Variants in EPHA6 observed in about 807,000 individuals in gnomAD.
EPHA6 encodes EPH receptor A6.
A neutral mutation model predicts 112.0 loss-of-function variants in EPHA6; 50 were observed. That is an observed-to-expected ratio of 0.45 (90% CI 0.36 to 0.56). EPHA6 has a LOEUF of 0.56. Among genes scored for constraint, EPHA6 ranks in the 20% least tolerant of loss-of-function variants. The pLI is 0.00. For synonymous variants in EPHA6, 529 were observed against 490.7 expected, an observed-to-expected ratio of 1.08 and a Z score of -1.03; for missense variants, 1,280 against 1,417.4, an observed-to-expected ratio of 0.90 and a Z score of 1.56.
At chr3:96,925,156 C>T (rs1481680007) in intron 2 of EPHA6, among the ~76,000 whole-genome samples, 1 of 152,132 alleles carries the variant, frequency 6.6e-6, no homozygotes, top group East Asian at 1.9e-4. Flanking sequence ...TGATGCTGGC[C>T]TCATAGAATG....
At chr3:96,981,511 CT>C (rs61173241) in intron 2 of EPHA6, among the ~76,000 whole-genome samples, 126 of 147,516 alleles carry the variant, frequency 8.5e-4, no homozygotes, top group African/African-American at 2.8e-3. Context: ...CTAAAATTCT[CT>C]TTTTTTTTTG....
At chr3:97,672,807 G>A (rs2030981135) in intron 14 of EPHA6, among the ~76,000 whole-genome samples, 1 of 152,182 alleles carries the variant, frequency 6.6e-6, no homozygotes, top group Admixed American at 6.5e-5. Context: ...GATCATGTGA[G>A]AGCAGAAATT....
intron 2 of EPHA6, among the ~76,000 whole-genome samples, chr3:96,983,703 A>C (rs949079506): frequency 6.6e-6 from 1 of 151,982 alleles, no homozygotes; most frequent in Admixed American, 6.6e-5. Context: ...TCAGATGTAG[A>C]TTTTGTCTTT....
chr3:97,199,545 A>G (rs1209598216), intron 3 of EPHA6, among the ~76,000 whole-genome samples: 1 of 152,180 alleles, frequency 6.6e-6, no homozygotes, highest in Non-Finnish European at 1.5e-5. Context: ...TCCTGAAGAC[A>G]GCATTTCCTG....
At chr3:97,641,881 C>T (rs2094009544) in intron 14 of EPHA6, among the ~76,000 whole-genome samples, 1 of 151,724 alleles carries the variant, frequency 6.6e-6, no homozygotes, top group Non-Finnish European at 1.5e-5. Context: ...CCGCCATTGC[C>T]CAGGCTTGCT....
At chr3:96,940,303 T>C (rs1576109108) in intron 2 of EPHA6, among the ~76,000 whole-genome samples, 1 of 152,240 alleles carries the variant, frequency 6.6e-6, no homozygotes, top group South Asian at 2.1e-4. Context: ...GGTGCATATA[T>C]ATTTAAGATA....
Position 96,814,630 on chromosome 3 carries a change from T to C in EPHA6, c.7T>C (p.Phe3Leu), listed in dbSNP as rs770023270. 9.9e-5 allele frequency: 144 copies of C among 1,448,216 alleles called. 1 individual carries two copies. In the Admixed American group the frequency reaches 3.0e-3, roughly 30 times the overall value. 89.7% of individuals were successfully genotyped at this position (1,448,216 alleles called of 1,614,324 possible). The change falls in exon 1 of 18, where the codon TTC (phenylalanine) becomes CTC (leucine). Residue 3 changes from phenylalanine to leucine, a missense_variant. Coordinates refer to ENST00000389672, the MANE Select transcript of EPHA6 (RefSeq NM_001080448.3). MQ[F>L]PSPPAARSSP... ...AAGCGGGACACTGTGGTGGATGCAA[T>C]TCCCCTCGCCTCCAGCCGCGAGGAG...
chr3:97,255,235 C>T (rs1159144015), intron 5 of EPHA6, among the ~76,000 whole-genome samples: 3 of 150,914 alleles, frequency 2.0e-5, no homozygotes, highest in African/African-American at 4.9e-5. Context: ...GCTATGAAAA[C>T]GTTAGGTTCC....
intron 2 of EPHA6, among the ~76,000 whole-genome samples, chr3:96,873,986 AC>A (rs1419612990): frequency 7.9e-5 from 12 of 152,086 alleles, no homozygotes; most frequent in Non-Finnish European, 1.8e-4. Flanking sequence ...GAGTTTCAGA[AC>A]CTACCCATGG....
chr3:97,004,896 C>A (rs1045067385), intron 3 of EPHA6, among the ~76,000 whole-genome samples: 4 of 152,028 alleles, frequency 2.6e-5, no homozygotes, highest in Non-Finnish European at 5.9e-5. Context: ...TTGTTTTTGT[C>A]AGGTTTGTCA....
At chr3:97,500,257 A>G (rs1189150892) in intron 10 of EPHA6, among the ~76,000 whole-genome samples, 1 of 152,104 alleles carries the variant, frequency 6.6e-6, no homozygotes, top group Non-Finnish European at 1.5e-5. Flanking sequence ...TGACATTCCT[A>G]GAAATACCTG....
intron 14 of EPHA6, among the ~76,000 whole-genome samples, chr3:97,716,590 A>AAAG (rs1249802704): frequency 6.6e-6 from 1 of 151,096 alleles, no homozygotes; most frequent in African/African-American, 2.4e-5. Flanking sequence ...AAAAAAAAAA[A>AAAG]AAAAAAAAGA....
chr3:97,565,885 C>T (rs528626817), intron 11 of EPHA6, among the ~76,000 whole-genome samples: 37 of 151,928 alleles, frequency 2.4e-4, no homozygotes, highest in East Asian at 2.3e-3. Flanking sequence ...GGTGTGGTGG[C>T]GCCTGCCTGT....
At chr3:97,050,007 G>A (rs914477546) in intron 3 of EPHA6, among the ~76,000 whole-genome samples, 2 of 152,182 alleles carry the variant, frequency 1.3e-5, no homozygotes, top group African/African-American at 4.8e-5. Context: ...AAAGAAAAGA[G>A]TGTTAACGAG....
At chr3:97,284,083 A>G (rs2080381633) in intron 5 of EPHA6, among the ~76,000 whole-genome samples, 1 of 152,156 alleles carries the variant, frequency 6.6e-6, no homozygotes, top group South Asian at 2.1e-4. Flanking sequence ...CAATTAATAG[A>G]TAATACATGT....
intron 3 of EPHA6, among the ~76,000 whole-genome samples, chr3:97,124,994 G>T (rs1368929498): frequency 6.6e-6 from 1 of 151,222 alleles, no homozygotes; most frequent in Non-Finnish European, 1.5e-5. Context: ...TTTTAATTGG[G>T]AGCACCTTGA....
chr3:96,847,889 TTAGA>T (rs1468728794), intron 1 of EPHA6, among the ~76,000 whole-genome samples: 2 of 152,074 alleles, frequency 1.3e-5, no homozygotes, highest in Admixed American at 6.6e-5. Flanking sequence ...CAGTAGCTTA[TTAGA>T]TAGTCATTGT....
At chr3:97,356,924 T>A (rs997923090) in intron 5 of EPHA6, among the ~76,000 whole-genome samples, 1 of 152,186 alleles carries the variant, frequency 6.6e-6, no homozygotes, top group Admixed American at 6.5e-5. Flanking sequence ...TCCCTTCAAT[T>A]CTATCAGTTT....
intron 3 of EPHA6, among the ~76,000 whole-genome samples, chr3:97,177,465 A>C (rs930093055): frequency 3.3e-5 from 5 of 151,974 alleles, no homozygotes; most frequent in Non-Finnish European, 7.4e-5. Context: ...CCAGTGCTGA[A>C]AGTGAAGTGT....
Sources: allele counts gnomAD v4.1 joint callset (sites outside exome capture counted in the v4.1 genomes callset), GRCh38; gene constraint gnomAD v4.1.1; transcripts MANE v1.5; gene names NCBI Gene and HGNC (gene_info 2026-07-23, HGNC 2026-07-21).